SLCO4A1: variants seen among roughly 807,000 people sequenced by gnomAD.
SLCO4A1 encodes the protein solute carrier organic anion transporter family member 4A1, also known as colon organic anion transporter.
In SLCO4A1, 51 loss-of-function variants were observed where a neutral mutation model predicts 64.6. The observed-to-expected ratio is 0.79, with a 90% CI of 0.63 to 1.00. SLCO4A1 has a LOEUF of 1.00. SLCO4A1 is among the 50% of genes least tolerant of loss of function. SLCO4A1 has a pLI of 0.00. For missense variants in SLCO4A1, 919 were observed against 980.5 expected, an observed-to-expected ratio of 0.94 and a Z score of 0.84; for synonymous variants, 471 against 444.9, an observed-to-expected ratio of 1.06 and a Z score of -0.74.
downstream of SLCO4A1, among the ~76,000 whole-genome samples, chr20:62,676,916 A>G (rs1987622403): frequency 6.6e-6 from 1 of 152,246 alleles, no homozygotes. Context: ...TGAGTAGGTA[A>G]ATCAGCGTGG....
chr20:62,646,718 TTCTCATGATG>T (rs1346922352), intron 1 of SLCO4A1, among the ~76,000 whole-genome samples: 20 of 152,226 alleles, frequency 1.3e-4, no homozygotes, highest in Admixed American at 1.3e-3. Context: ...CTCATTCTCA[TTCTCATGATG>T]TCTCTGTTAT....
At chr20:62,675,374 G>C (rs1446033741), downstream of SLCO4A1, among the ~76,000 whole-genome samples, 1 of 152,106 alleles carries the variant, frequency 6.6e-6, no homozygotes, top group Admixed American at 6.5e-5. Context: ...CACCCACGCG[G>C]GCTCTGCCAC....
At position 62,644,782 on chromosome 20, in the gene SLCO4A1, C is replaced by T. The variant is rs1041255291; in HGVS notation, c.-97+2229C>T. 2.0e-5 allele frequency among the ~76,000 whole-genome samples: 3 copies of T among 152,232 alleles called. No homozygotes were observed. The highest frequency in any genetic ancestry group is 4.8e-5 in the African/African-American group (2 of 41,456). The stretch of plus-strand genomic sequence containing the variant: ...ATATACATTCCTGGCTTCCTGGACT[C>T]GTCCACTGGAACGTGTTGGGTCCTG... On this transcript the variant is annotated intron_variant, in intron 1 of 11. Transcript: ENST00000217159. The surrounding 1 kb of genome is among the most constrained non-coding windows in gnomAD (Gnocchi z 5.4).
At chr20:62,679,863 G>A (rs1006454712) in intron 2 of SLCO4A1, among the ~76,000 whole-genome samples, 9 of 152,192 alleles carry the variant, frequency 5.9e-5, no homozygotes, top group Non-Finnish European at 1.0e-4. Flanking sequence ...CTGTTAAAAC[G>A]TCAGAAAAGT....
In SLCO4A1 at chr20:62,664,967, C is replaced by T; in HGVS notation, c.1155C>T (p.Phe385=). Reference sequence around the variant, plus strand: ...GGCTCCTGCTGAAGAACCCCACGTTCATCCTGCTCTGCCTGGCCGGGGCCA... The same window carrying T: ...GGCTCCTGCTGAAGAACCCCACGTTTATCCTGCTCTGCCTGGCCGGGGCCA... ...SIWLLLKNPT[F]ILLCLAGATE... Residue 385 remains phenylalanine (F), a synonymous_variant, in exon 6 of 12, where the codon TTC becomes TTT. Transcript: ENST00000217159. 6 of 1,612,974 alleles carry T rather than the reference C, an allele frequency of 3.7e-6. No homozygotes were observed. Among genetic ancestry groups the T allele is most frequent in the Non-Finnish European group, 5.1e-6 (6 of 1,179,438 alleles).
chr20:62,682,896 G>A (rs1417541392), intron 2 of SLCO4A1, among the ~76,000 whole-genome samples: 2 of 152,188 alleles, frequency 1.3e-5, no homozygotes, highest in Non-Finnish European at 2.9e-5. Flanking sequence ...GGACACAGCT[G>A]GACACAGCAT....
chr20:62,658,114 G>T (rs977827010), intron 2 of SLCO4A1, among the ~76,000 whole-genome samples: 1 of 152,210 alleles, frequency 6.6e-6, no homozygotes. Flanking sequence ...TCGTAGGATG[G>T]TCACGGGGAG....
At chr20:62,657,786 C>T (rs769792164) in intron 2 of SLCO4A1, among the ~76,000 whole-genome samples, 8 of 152,232 alleles carry the variant, frequency 5.3e-5, no homozygotes, top group Non-Finnish European at 8.8e-5. Flanking sequence ...GTGTCTGCTC[C>T]GGCAGCCACA....
In SLCO4A1 at chr20:62,664,983, G is replaced by A. The variant is rs774678126; in HGVS notation, c.1171G>A (p.Ala391Thr). ...KNPTFILLCL[A>T]GATEATLITG... ...CCCCACGTTCATCCTGCTCTGCCTG[G>A]CCGGGGCCACCGAGGCCACTCTCAT... Residue 391 changes from alanine to threonine, a missense_variant, in exon 6 of 12, where the codon GCC becomes ACC. By Grantham distance (58) the Ala-to-Thr change is moderately conservative (BLOSUM62 0). Transcript: ENST00000217159. 5.6e-6 allele frequency: 9 copies of A among 1,613,550 alleles called. No individual in the cohort carries two copies. The Admixed American group carries it at 1.5e-4, about 27-fold the overall frequency.
chr20:62,648,781 C>T (rs1344170654), intron 1 of SLCO4A1, among the ~76,000 whole-genome samples: 2 of 151,750 alleles, frequency 1.3e-5, no homozygotes, highest in African/African-American at 2.4e-5. Context: ...CTGGAATTCA[C>T]TCCAGGCTCC....
Position 62,671,985 on chromosome 20 carries a change from C to T in SLCO4A1, c.*92C>T. On this transcript the variant is annotated 3_prime_UTR_variant, in exon 12 of 12. Transcript: ENST00000217159. ...GGGTGATGCAATCACACGGGAACTT[C>T]TATTTGACCTGCAACCTTCTACTTA... 1 of 1,597,188 alleles carries T rather than the reference C, an allele frequency of 6.3e-7. No homozygotes were observed. Among genetic ancestry groups the T allele is most frequent in the Non-Finnish European group, 8.5e-7 (1 of 1,178,680 alleles).
chr20:62,676,907 G>A (rs1987622051), downstream of SLCO4A1, among the ~76,000 whole-genome samples: 1 of 152,250 alleles, frequency 6.6e-6, no homozygotes, highest in Non-Finnish European at 1.5e-5. Flanking sequence ...ACTGGCTGAT[G>A]AGTAGGTAAA....
In SLCO4A1 at chr20:62,656,687, T is replaced by G. The variant is rs751421832; in HGVS notation, c.233T>G (p.Val78Gly). ...GARGTHEVRY[V>G]SAGQSVACGW... ...CGGGGGACCCATGAGGTGCGGTACG[T>G]CTCGGCCGGGCAGAGCGTGGCGTGC... The change falls in exon 2 of 12, where the codon GTC becomes GGC. Residue 78 changes from valine (V) to glycine (G), a missense_variant. Physicochemically the swap from Val to Gly is moderately radical, Grantham distance 109. Coordinates refer to ENST00000217159, the MANE Select transcript of SLCO4A1 (RefSeq NM_016354.4). 155 of 1,609,320 alleles carry G rather than the reference T, an allele frequency of 9.6e-5. No homozygotes were observed. Among genetic ancestry groups the G allele is most frequent in the Non-Finnish European group, 1.3e-4 (153 of 1,178,420 alleles).
chr20:62,658,888 C>T (rs997909548), intron 3 of SLCO4A1, 121 bp downstream of exon 3: 1 of 843,772 alleles, frequency 1.2e-6, no homozygotes, highest in Non-Finnish European at 1.9e-6. Flanking sequence ...CTGGGCACCC[C>T]CCGGGCTGGA....
In SLCO4A1 at chr20:62,667,995, A is replaced by G. The variant is rs545008438; in HGVS notation, c.1639-17A>G. On this transcript the variant is annotated splice_polypyrimidine_tract_variant and intron_variant, in intron 8 of 11. Transcript: ENST00000217159. ...GTGCCTTCCCCTTGTAATCGGAGCTATTGTTGGGCTTCCCAGGTGTACCGA... is the reference window on the plus strand; with the variant it reads ...GTGCCTTCCCCTTGTAATCGGAGCTGTTGTTGGGCTTCCCAGGTGTACCGA... 3 of 1,613,884 alleles carry G rather than the reference A, an allele frequency of 1.9e-6. No homozygotes were observed. The highest frequency in any genetic ancestry group is 3.3e-5 in the Admixed American group (2 of 60,024).
At chr20:62,658,275 C>T (rs6011454) in intron 2 of SLCO4A1, among the ~76,000 whole-genome samples, 1,659 of 152,350 alleles carry the variant, frequency 0.011, 29 homozygotes, top group African/African-American at 0.037. Flanking sequence ...CCCACCACAC[C>T]GAGCCTTCCA....
Position 62,656,409 on chromosome 20 carries a change from C to A in SLCO4A1, c.-46C>A. Reference sequence around the variant, plus strand: ...TTGGCCACTCCCGCTGAGGCCACTCCCACTGCGTGGCTGAAGCCTCGAGGT... The same window carrying A: ...TTGGCCACTCCCGCTGAGGCCACTCACACTGCGTGGCTGAAGCCTCGAGGT... On this transcript the variant is annotated 5_prime_UTR_variant, in exon 2 of 12. Transcript: ENST00000217159. 1 of 1,438,410 alleles carries A rather than the reference C, an allele frequency of 7.0e-7. No individual in the cohort carries two copies. The highest frequency in any genetic ancestry group is 9.1e-7 in the Non-Finnish European group (1 of 1,093,832). The allele number at this position is 1,438,410 out of a possible 1,614,324, so 89.1% of individuals were successfully genotyped here. A position where few individuals can be genotyped will look rare whatever the true frequency, so the allele number is the denominator to read the frequency against.
At chr20:62,659,934 G>A (rs1043931724) in intron 3 of SLCO4A1, among the ~76,000 whole-genome samples, 4 of 152,226 alleles carry the variant, frequency 2.6e-5, no homozygotes, top group African/African-American at 9.6e-5. Flanking sequence ...TTTTCCACTC[G>A]CCTTTTCGTT....
chr20:62,654,750 C>T (rs1048676668), intron 1 of SLCO4A1, among the ~76,000 whole-genome samples: 18 of 152,166 alleles, frequency 1.2e-4, no homozygotes, highest in African/African-American at 4.3e-4. Flanking sequence ...CAATGTGGCC[C>T]AATATGGACA....
Sources: gnomAD v4.1 joint callset for allele counts (sites outside exome capture counted in the v4.1 genomes callset) on GRCh38, gnomAD v4.1.1 for gene constraint, Gnocchi (gnomAD v3.1) non-coding constraint, MANE v1.5 for transcripts, NCBI Gene and HGNC (gene_info 2026-07-23, HGNC 2026-07-21) for gene names.